The following DYNC2H1 variants were observed in gnomAD, a reference collection of about 807,000 sequenced individuals.
DYNC2H1 encodes the protein dynein cytoplasmic 2 heavy chain 1.
Under a neutral mutation model 570.0 loss-of-function variants are expected in DYNC2H1, and 410 were observed. The ratio of observed to expected loss-of-function variants is 0.72; its 90% CI spans 0.66 to 0.78. The LOEUF (loss-of-function observed/expected upper bound fraction) is 0.78, where lower values mean the gene tolerates loss of function less well. Among genes scored for constraint, DYNC2H1 ranks in the 30% least tolerant of loss-of-function variants. The probability of loss-of-function intolerance (pLI) is 0.00; values close to 1 mark genes in which losing one functional copy is unlikely to be tolerated. For missense variants in DYNC2H1, 4,865 were observed against 5,046.4 expected (o/e 0.96, Z 1.09); for synonymous variants, 1,688 against 1,677.6 (o/e 1.01, Z -0.15).
intron 37 of DYNC2H1, 34 bp downstream of exon 37, chr11:103,176,468 C>T (rs1861818674): frequency 1.4e-6 from 2 of 1,390,392 alleles, no homozygotes; most frequent in Admixed American, 3.3e-5. Context: ...ATAGATTGAT[C>T]CCTTTTCCTA....
chr11:103,265,820 G>T, intron 70 of DYNC2H1, among the ~76,000 whole-genome samples: 1 of 152,242 alleles, frequency 6.6e-6, no homozygotes, highest in Non-Finnish European at 1.5e-5. Context: ...CTTTGAGGTT[G>T]CTCACCTTTC....
In DYNC2H1 at chr11:103,249,492, CACTT is replaced by C. The variant is rs1341237388; in HGVS notation, c.10043-3785_10043-3782del. ...GAGCTTTATTAGCACTCCAGAAGCCCACTTACTTACTACACCTCTTCTCCACAAG... is the reference window on the plus strand; with the variant it reads ...GAGCTTTATTAGCACTCCAGAAGCCCACTTACTACACCTCTTCTCCACAAG... On this transcript the variant is annotated intron_variant, in intron 65 of 88. Transcript: ENST00000375735. This position sits in a 1 kb window ranked among gnomAD's most constrained non-coding sequence, Gnocchi z 4.6. 2.6e-5 allele frequency among the ~76,000 whole-genome samples: 4 copies of C among 151,952 alleles called. No homozygotes were observed. The highest frequency in any genetic ancestry group is 5.9e-5 in the Non-Finnish European group (4 of 67,930).
intron 83 of DYNC2H1, among the ~76,000 whole-genome samples, chr11:103,367,662 C>T (rs1216689790): frequency 6.6e-6 from 1 of 152,142 alleles, no homozygotes; most frequent in Non-Finnish European, 1.5e-5. Context: ...CTGTAGGGTA[C>T]TGTAGCTATA....
Position 103,222,069 on chromosome 11 carries a change from C to T in DYNC2H1, c.9147C>T (p.Thr3049=). 6.2e-7 allele frequency: 1 copy of T among 1,611,240 alleles called. No individual in the cohort carries two copies. The highest frequency in any genetic ancestry group is 8.5e-7 in the Non-Finnish European group (1 of 1,178,452). The change falls in exon 58 of 89, where the codon ACC becomes ACT. Residue 3049 remains threonine, a synonymous_variant. Transcript: ENST00000375735. ...AKRGVREDIA[T]FDARNISKEI... is the part of the protein sequence containing the mutation. ...GAGGTGTAAGAGAAGACATAGCAAC[C>T]TTTGATGCCCGAAATATTTCAAAGG... is the stretch of plus-strand genomic sequence containing the variant.
Position 103,153,354 on chromosome 11 carries a change from G to T in DYNC2H1, c.3148G>T (p.Glu1050Ter). ...ATCACGTCTTCAGATCTATTATCAAGAACTGGAAAAATTTAAAGCTCGTTG... is the reference window on the plus strand; with the variant it reads ...ATCACGTCTTCAGATCTATTATCAATAACTGGAAAAATTTAAAGCTCGTTG... Reference protein sequence around the residue: ...VKSRLQIYYQELEKFKARWDQ... With the variant: ...VKSRLQIYYQ Residue 1050 changes from glutamate to a stop codon, truncating the protein, a stop_gained, in exon 22 of 89, where the codon GAA becomes TAA. Transcript: ENST00000375735. LOFTEE classifies it high-confidence loss of function. 2 of 1,547,346 alleles carry T rather than the reference G, an allele frequency of 1.3e-6. No homozygotes were observed. Among genetic ancestry groups the T allele is most frequent in the Non-Finnish European group, 1.7e-6 (2 of 1,145,852 alleles).
chr11:103,342,007 G>A (rs1939465346), intron 82 of DYNC2H1, among the ~76,000 whole-genome samples: 1 of 152,174 alleles, frequency 6.6e-6, no homozygotes, highest in South Asian at 2.1e-4. Context: ...TGTGTGTGGT[G>A]GCATGTGCCT....
chr11:103,148,845 T>C (rs977819327), intron 20 of DYNC2H1, among the ~76,000 whole-genome samples: 1 of 152,054 alleles, frequency 6.6e-6, no homozygotes, highest in African/African-American at 2.4e-5. Flanking sequence ...GATCACGAGG[T>C]TGGGAGTTCA....
intron 10 of DYNC2H1, among the ~76,000 whole-genome samples, chr11:103,122,142 A>T (rs545157056): frequency 6.6e-6 from 1 of 151,958 alleles, no homozygotes; most frequent in African/African-American, 2.4e-5. Flanking sequence ...TTGACCTAAG[A>T]CTCTTATGGA....
chr11:103,387,716 A>G (rs1180664381), intron 83 of DYNC2H1, among the ~76,000 whole-genome samples: 1 of 152,194 alleles, frequency 6.6e-6, no homozygotes. Flanking sequence ...AGCTTTCTAT[A>G]TATGGCTAGC....
Position 103,324,013 on chromosome 11 carries a change from C to T in DYNC2H1, c.12039+23C>T, listed in dbSNP as rs1336329955. 1.3e-6 allele frequency: 2 copies of T among 1,564,206 alleles called. No homozygotes were observed. Among genetic ancestry groups the T allele is most frequent in the East Asian group, 4.5e-5 (2 of 44,074 alleles). On this transcript the variant is annotated intron_variant, in intron 82 of 88. Coordinates refer to ENST00000375735, the MANE Select transcript of DYNC2H1 (RefSeq NM_001377.3). This position sits in a 1 kb window ranked among gnomAD's most constrained non-coding sequence, Gnocchi z 5.2. ...CAGGTAACCTAAAAAAAAGATCTAC[C>T]TTCAAAAAAAGTTGCTAGTGAGCCT...
chr11:103,214,649 GC>G (rs1209007421), intron 54 of DYNC2H1, among the ~76,000 whole-genome samples: 2 of 151,636 alleles, frequency 1.3e-5, no homozygotes, highest in Non-Finnish European at 2.9e-5. Flanking sequence ...CATCATGTTG[GC>G]CAGGCTGGTC....
intron 88 of DYNC2H1, among the ~76,000 whole-genome samples, chr11:103,469,446 A>G (rs1028091597): frequency 2.0e-5 from 3 of 152,338 alleles, no homozygotes; most frequent in Admixed American, 1.3e-4. Flanking sequence ...ATGAGCAACA[A>G]AACTATTTCA....
At chr11:103,180,767 C>T (rs1400932709) in intron 39 of DYNC2H1, among the ~76,000 whole-genome samples, 1 of 151,188 alleles carries the variant, frequency 6.6e-6, no homozygotes, top group Non-Finnish European at 1.5e-5. Flanking sequence ...GAGAAAATAC[C>T]ATTGGTAAGA....
In DYNC2H1 at chr11:103,280,257, T is replaced by C. The variant is rs1218536820; in HGVS notation, c.10696-91T>C. 3 of 1,248,796 alleles carry C rather than the reference T, an allele frequency of 2.4e-6. No individual in the cohort carries two copies. Among genetic ancestry groups the C allele is most frequent in the Non-Finnish European group, 2.3e-6 (2 of 877,872 alleles). The allele number at this position is 1,248,796 out of a possible 1,614,324, so 77.4% of individuals were successfully genotyped here. On this transcript the variant is annotated intron_variant, in intron 70 of 88. Transcript: ENST00000375735. The surrounding 1 kb of genome is among the most constrained non-coding windows in gnomAD (Gnocchi z 4.7). ...AAAAGTAGGTCATATGAAGACAGAA[T>C]AGAGATTTTTGTGTGCCAAATTTTA...
chr11:103,287,770 G>T, intron 75 of DYNC2H1, 165 bp downstream of exon 75: 1 of 638,750 alleles, frequency 1.6e-6, no homozygotes, highest in East Asian at 3.1e-5. Flanking sequence ...AATAATTCTC[G>T]GCTGGGCATG....
chr11:103,113,480 T>G, intron 1 of DYNC2H1, 57 bp from the exon 2 acceptor site: 2 of 1,368,180 alleles, frequency 1.5e-6, no homozygotes, highest in Non-Finnish European at 1.9e-6. Flanking sequence ...TTTGTCTACA[T>G]TTTTTTCAAA....
intron 83 of DYNC2H1, among the ~76,000 whole-genome samples, chr11:103,364,320 T>G (rs1477156071): frequency 8.1e-6 from 1 of 122,928 alleles, no homozygotes; most frequent in East Asian, 2.4e-4. Context: ...CAGTTTCCTT[T>G]TGATGATTTT....
chr11:103,245,133 AGAATCT>A lies in DYNC2H1; in HGVS notation c.9919-114_9919-109del. 1.2e-6 allele frequency: 1 copy of A among 869,096 alleles called. No homozygotes were observed. Among genetic ancestry groups the A allele is most frequent in the East Asian group, 2.9e-5 (1 of 33,984 alleles). The allele number at this position is 869,096 out of a possible 1,614,324, so 53.8% of individuals were successfully genotyped here. The stretch of plus-strand genomic sequence containing the variant: ...CTTGGGTGAGTAATTTATTACCTAT[AGAATCT>A]GAAATTGTGTTTCTATAACATTTTG... On this transcript the variant is annotated intron_variant, in intron 64 of 88. Coordinates refer to ENST00000375735, the MANE Select transcript of DYNC2H1 (RefSeq NM_001377.3). This position sits in a 1 kb window ranked among gnomAD's most constrained non-coding sequence, Gnocchi z 4.5.
Position 103,287,751 on chromosome 11 carries a change from T to C in DYNC2H1, c.11095+146T>C, listed in dbSNP as rs1376854189. 5.4e-5 allele frequency: 39 copies of C among 727,298 alleles called. No individual in the cohort carries two copies. The East Asian group carries it at 1.1e-3, about 21-fold the overall frequency. The allele number at this position is 727,298 out of a possible 1,614,324, so 45.1% of individuals were successfully genotyped here. On this transcript the variant is annotated intron_variant, in intron 75 of 88. Transcript: ENST00000375735. ...TTATTTATCTTCCAATCTCTACCTG[T>C]TTTAGAAAAATAATTCTCGGCTGGG...
Sources: gnomAD v4.1 joint callset for allele counts (sites outside exome capture counted in the v4.1 genomes callset) on GRCh38, gnomAD v4.1.1 for gene constraint, Gnocchi (gnomAD v3.1) non-coding constraint, MANE v1.5 for transcripts, NCBI Gene and HGNC (gene_info 2026-07-23, HGNC 2026-07-21) for gene names.